The following DNAH8 variants were observed in gnomAD, a reference collection of about 807,000 sequenced individuals.
DNAH8 encodes dynein axonemal heavy chain 8.
DNAH8 carries 382 observed loss-of-function variants against 562.1 expected under a neutral mutation model. The ratio of observed to expected loss-of-function variants is 0.68; its 90% CI spans 0.63 to 0.74. DNAH8 has a LOEUF of 0.74. Ranked by LOEUF, DNAH8 falls within the 30% of genes least tolerant of loss-of-function variation. The pLI is 0.00. For missense variants in DNAH8, 5,203 were observed against 5,620.4 expected (o/e 0.93, Z 2.37); for synonymous variants, 1,881 against 1,919.4 (o/e 0.98, Z 0.52).
intron 62 of DNAH8, among the ~76,000 whole-genome samples, chr6:38,905,300 A>G (rs1250254514): frequency 6.6e-6 from 1 of 152,194 alleles, no homozygotes; most frequent in Non-Finnish European, 1.5e-5. Flanking sequence ...TGTCTGCTTT[A>G]TTTTTACACA....
chr6:38,874,269 C>T (rs1309929884), intron 52 of DNAH8, among the ~76,000 whole-genome samples: 1 of 18,928 alleles, frequency 5.3e-5, no homozygotes, highest in African/African-American at 2.6e-4. Flanking sequence ...CCCTTCCCTC[C>T]CCTTCCCTCC....
At position 38,912,963 on chromosome 6, in the gene DNAH8, C is replaced by T. The variant is rs888020678; in HGVS notation, c.9860-886C>T. Among the ~76,000 whole-genome samples the T allele has an allele frequency of 2.6e-5, 4 of 152,294 alleles. No individual in the cohort carries two copies. In the East Asian group the frequency reaches 7.7e-4, roughly 29 times the overall value. The stretch of plus-strand genomic sequence containing the variant: ...TAACTGGGATTACAGGCATGCGCCA[C>T]CATGCCCAGCTTGTTTTGTATTTTT... On this transcript the variant is annotated intron_variant, in intron 66 of 92. Transcript: ENST00000327475.
At chr6:38,745,411 C>A (rs77869761) in intron 8 of DNAH8, among the ~76,000 whole-genome samples, 1,660 of 152,276 alleles carry the variant, frequency 0.011, 26 homozygotes, top group African/African-American at 0.037. Flanking sequence ...CAAACTTTTT[C>A]CTAGTCTGTG....
chr6:38,917,709 A>G (rs143182629), intron 69 of DNAH8, among the ~76,000 whole-genome samples: 175 of 152,302 alleles, frequency 1.1e-3, no homozygotes, highest in Non-Finnish European at 1.9e-3. Context: ...CAGAAAGAAA[A>G]CTTACATAGC....
chr6:38,952,524 A>T (rs1044448811), intron 82 of DNAH8, among the ~76,000 whole-genome samples: 5 of 152,204 alleles, frequency 3.3e-5, no homozygotes, highest in African/African-American at 7.2e-5. Context: ...ACAGTGATTG[A>T]TTATGAATCA....
intron 88 of DNAH8, among the ~76,000 whole-genome samples, chr6:38,994,999 A>G (rs1197213371): frequency 6.7e-6 from 1 of 149,052 alleles, no homozygotes; most frequent in Admixed American, 6.7e-5. Flanking sequence ...AGTCTGTTTT[A>G]AGTTTAGCTA....
intron 91 of DNAH8, among the ~76,000 whole-genome samples, chr6:39,025,527 C>T (rs1170250405): frequency 6.6e-6 from 1 of 152,196 alleles, no homozygotes; most frequent in African/African-American, 2.4e-5. Context: ...GAACTTGACT[C>T]AGTAAAGCCA....
chr6:39,008,021 A>G (rs1414316508), intron 88 of DNAH8, among the ~76,000 whole-genome samples: 1 of 147,018 alleles, frequency 6.8e-6, no homozygotes, highest in African/African-American at 2.5e-5. Flanking sequence ...CAGAGACTAA[A>G]TTCATGCATC....
intron 85 of DNAH8, among the ~76,000 whole-genome samples, chr6:38,975,131 T>C (rs1196979436): frequency 1.3e-5 from 2 of 152,222 alleles, no homozygotes; most frequent in Non-Finnish European, 2.9e-5. Context: ...CTTTCTCAAG[T>C]CATTTGCTGT....
At chr6:38,781,459 T>C in intron 16 of DNAH8, 86 bp downstream of exon 16, 1 of 1,453,862 alleles carries the variant, frequency 6.9e-7, no homozygotes, top group Non-Finnish European at 9.3e-7. Flanking sequence ...TTGTGTGCAT[T>C]AAAGTAGCCA....
chr6:38,895,670 C>T (rs1213378547), intron 59 of DNAH8, among the ~76,000 whole-genome samples: 1 of 152,160 alleles, frequency 6.6e-6, no homozygotes, highest in Non-Finnish European at 1.5e-5. Flanking sequence ...AATGTTACTC[C>T]CCTTTGTCCT....
At position 38,815,577 on chromosome 6, in the gene DNAH8, C is replaced by G; in HGVS notation, c.3443C>G (p.Pro1148Arg). The change falls in exon 26 of 93, where the codon CCC becomes CGC. Residue 1148 changes from proline (P) to arginine (R), a missense_variant. By Grantham distance (103) the Pro-to-Arg change is moderately radical. Transcript: ENST00000327475. ...VAHWGQQQIR[P>R]IKSVIPSPTT... ...CACTGGGGGCAACAGCAAATCCGTC[C>G]CATCAAGTCTGTCATTCCCAGCCCC... 1.9e-6 allele frequency: 3 copies of G among 1,613,966 alleles called. No individual in the cohort carries two copies. Among genetic ancestry groups the G allele is most frequent in the Non-Finnish European group, 2.5e-6 (3 of 1,179,924 alleles).
chr6:38,991,345 G>A (rs1181636343), intron 88 of DNAH8, among the ~76,000 whole-genome samples: 1 of 152,230 alleles, frequency 6.6e-6, no homozygotes, highest in Non-Finnish European at 1.5e-5. Flanking sequence ...TTCGTTAGTG[G>A]CAGCTCTTGC....
At chr6:38,785,317 A>G (rs912974027) in intron 17 of DNAH8, among the ~76,000 whole-genome samples, 1 of 152,060 alleles carries the variant, frequency 6.6e-6, no homozygotes, top group Non-Finnish European at 1.5e-5. Flanking sequence ...TTGCTCAGTA[A>G]AGTTTCTCTG....
At chr6:38,939,782 T>C (rs1783286877) in intron 79 of DNAH8, among the ~76,000 whole-genome samples, 1 of 152,206 alleles carries the variant, frequency 6.6e-6, no homozygotes, top group Admixed American at 6.5e-5. Flanking sequence ...TGTTTTTGGC[T>C]CTTTATGTAT....
chr6:38,746,063 A>G (rs963532128), intron 8 of DNAH8, among the ~76,000 whole-genome samples: 1 of 152,194 alleles, frequency 6.6e-6, no homozygotes, highest in African/African-American at 2.4e-5. Flanking sequence ...TGCGGCCGTC[A>G]TTACTGTGTT....
chr6:38,833,174 T>C (rs957775279), intron 31 of DNAH8, among the ~76,000 whole-genome samples: 11 of 152,168 alleles, frequency 7.2e-5, no homozygotes, highest in Non-Finnish European at 1.5e-4. Flanking sequence ...GAAATATTCT[T>C]TCTTTTAGTG....
Position 38,803,617 on chromosome 6 carries a change from G to A in DNAH8, c.3034+306G>A, listed in dbSNP as rs1260271336. On this transcript the variant is annotated intron_variant, in intron 22 of 92. Transcript: ENST00000327475. ...TAACTCTATTTTTTTTTTTTTTTCT[G>A]GTGCAGCATTCTTATCAAGTCACTT... Among the ~76,000 whole-genome samples the A allele has an allele frequency of 2.1e-5, 3 of 146,288 alleles. 1 individual carries two copies. The South Asian group carries it at 6.6e-4, about 32-fold the overall frequency.
intron 18 of DNAH8, among the ~76,000 whole-genome samples, chr6:38,789,485 A>C (rs1769492294): frequency 6.6e-6 from 1 of 152,228 alleles, no homozygotes; most frequent in Non-Finnish European, 1.5e-5. Context: ...GAAGATAAGG[A>C]ACAAAAGAGG....
Sources: allele counts gnomAD v4.1 joint callset (sites outside exome capture counted in the v4.1 genomes callset), GRCh38; gene constraint gnomAD v4.1.1; transcripts MANE v1.5; gene names NCBI Gene and HGNC (gene_info 2026-07-23, HGNC 2026-07-21).